NUTF2: variants seen among roughly 807,000 people sequenced by gnomAD.
NUTF2 encodes the protein nuclear transport factor 2.
NUTF2 carries 3 observed loss-of-function variants against 18.5 expected under a neutral mutation model. The observed-to-expected ratio is 0.16, with a 90% CI of 0.07 to 0.42. The LOEUF (loss-of-function observed/expected upper bound fraction) is 0.42, where lower values mean the gene tolerates loss of function less well. Among genes scored for constraint, NUTF2 ranks in the 10% least tolerant of loss-of-function variants. The probability of loss-of-function intolerance (pLI) is 0.99; values close to 1 mark genes in which losing one functional copy is unlikely to be tolerated. For synonymous variants in NUTF2, 51 were observed against 57.9 expected (o/e 0.88, Z 0.54); for missense variants, 44 against 160.7 (o/e 0.27, Z 3.93).
At chr16:67,865,397 C>A (rs991267862) in intron 2 of NUTF2, among the ~76,000 whole-genome samples, 168 bp downstream of exon 2, 1 of 152,168 alleles carries the variant, frequency 6.6e-6, no homozygotes, top group African/African-American at 2.4e-5. Flanking sequence ...AAGTAATTAC[C>A]TGGTCTATAC....
At chr16:67,847,364 T>C (rs1262910749) in intron 1 of NUTF2, 1 of 152,424 alleles carries the variant, frequency 6.6e-6, no homozygotes, top group Non-Finnish European at 1.5e-5. Flanking sequence ...GCAGGCTGGC[T>C]AGCGGGCAGA....
intron 1 of NUTF2, among the ~76,000 whole-genome samples, chr16:67,849,942 G>A (rs972712941): frequency 2.6e-5 from 4 of 152,072 alleles, no homozygotes; most frequent in Non-Finnish European, 5.9e-5. Flanking sequence ...CCAGGCGTGA[G>A]CCACCACGTC....
chr16:67,856,538 TGCTCTCGTTGCCCAG>T (rs2057899335), intron 1 of NUTF2, among the ~76,000 whole-genome samples: 1 of 150,940 alleles, frequency 6.6e-6, no homozygotes, highest in African/African-American at 2.4e-5. Flanking sequence ...GTCGGAGTTT[TGCTCTCGTTGCCCAG>T]GCTGGAGTGC....
intron 3 of NUTF2, 37 bp from the exon 4 acceptor site, chr16:67,868,464 G>T: frequency 6.2e-7 from 1 of 1,613,786 alleles, no homozygotes; most frequent in Non-Finnish European, 8.5e-7. Flanking sequence ...ACCCCTTCTG[G>T]CCTTGGTTCT....
intron 1 of NUTF2, chr16:67,847,301 TA>T (rs1271644302): frequency 6.6e-6 from 1 of 152,220 alleles, no homozygotes; most frequent in Non-Finnish European, 1.5e-5. Context: ...GATGGGGCCT[TA>T]GGGCCCCGCC....
At chr16:67,853,678 A>G (rs778011152) in intron 1 of NUTF2, among the ~76,000 whole-genome samples, 8 of 151,722 alleles carry the variant, frequency 5.3e-5, no homozygotes, top group South Asian at 2.1e-4. Flanking sequence ...TTTATATTCT[A>G]TTTTTTAGTT....
intron 4 of NUTF2, chr16:67,870,358 G>A (rs1339667902): frequency 6.2e-6 from 1 of 162,316 alleles, no homozygotes; most frequent in African/African-American, 2.4e-5. Context: ...CTCAAATACT[G>A]TTTATTACAT....
Position 67,872,413 on chromosome 16 carries a change from G to A in NUTF2, c.*1500G>A, listed in dbSNP as rs1161295233. The stretch of plus-strand genomic sequence containing the variant: ...AGGACAGCATGCTCAGGAGATTTCA[G>A]TGGGAATGATCTCTAGGCTGATGTG... On this transcript the variant is annotated 3_prime_UTR_variant, in exon 5 of 5. Transcript: ENST00000219169. The A allele has an allele frequency of 2.6e-5, 4 of 152,378 alleles. No individual in the cohort carries two copies. Among genetic ancestry groups the A allele is most frequent in the Non-Finnish European group, 5.9e-5 (4 of 68,056 alleles). The allele number at this position is 152,378 out of a possible 1,614,324, so 9.4% of individuals were successfully genotyped here.
At chr16:67,868,631 T>G (rs1598170309) in intron 4 of NUTF2, 32 bp downstream of exon 4, 2 of 1,594,112 alleles carry the variant, frequency 1.3e-6, no homozygotes, top group Non-Finnish European at 1.7e-6. Flanking sequence ...TAGGGAGGGG[T>G]GGGCAGGCAG....
intron 1 of NUTF2, 47 bp from the exon 2 acceptor site, chr16:67,865,055 A>C (rs1380882883): frequency 2.1e-6 from 2 of 952,744 alleles, no homozygotes; most frequent in Non-Finnish European, 3.3e-6. Context: ...CTGGTCACCT[A>C]CTCTCATGGT....
chr16:67,861,119 G>A (rs2057932617), intron 1 of NUTF2, among the ~76,000 whole-genome samples: 2 of 152,184 alleles, frequency 1.3e-5, no homozygotes, highest in Non-Finnish European at 2.9e-5. Flanking sequence ...CCTGACTCTG[G>A]AGAGGCCTCC....
chr16:67,870,273 TAGGCTC>T (rs2058002499), intron 4 of NUTF2: 1 of 153,722 alleles, frequency 6.5e-6, no homozygotes, highest in South Asian at 2.0e-4. Flanking sequence ...GCTGGTTAGC[TAGGCTC>T]CTATTTCAAC....
chr16:67,857,009 A>G (rs1033635263), intron 1 of NUTF2, among the ~76,000 whole-genome samples: 2 of 152,204 alleles, frequency 1.3e-5, no homozygotes, highest in African/African-American at 4.8e-5. Flanking sequence ...TGTTCCCTCC[A>G]CCACTCTGTG....
chr16:67,847,911 T>TG (rs1458785642), intron 1 of NUTF2: 1 of 152,120 alleles, frequency 6.6e-6, no homozygotes, highest in Admixed American at 6.5e-5. Flanking sequence ...GAAGGGGCTT[T>TG]GGGGGGTGGG....
At chr16:67,866,059 A>C (rs2057969055) in intron 2 of NUTF2, among the ~76,000 whole-genome samples, 2 of 152,080 alleles carry the variant, frequency 1.3e-5, no homozygotes, top group African/African-American at 4.8e-5. Flanking sequence ...CCAAGAACTA[A>C]TTGTACTTGA....
At chr16:67,850,508 T>C (rs111402573) in intron 1 of NUTF2, among the ~76,000 whole-genome samples, 2,327 of 152,058 alleles carry the variant, frequency 0.015, 17 homozygotes, top group Non-Finnish European at 0.024. Flanking sequence ...GCCTGGCCGT[T>C]CCCTGTAACC....
intron 1 of NUTF2, among the ~76,000 whole-genome samples, chr16:67,859,313 G>A (rs1014220081): frequency 1.3e-5 from 2 of 150,456 alleles, no homozygotes; most frequent in Middle Eastern, 3.5e-3. Context: ...CCAAGTAGCC[G>A]GGATTACAGG....
rs149384852 is a variant in NUTF2, at chr16:67,849,303, G to C, written c.-30+2318G>C. On this transcript the variant is annotated intron_variant, in intron 1 of 4. Coordinates refer to ENST00000219169, the MANE Select transcript of NUTF2 (RefSeq NM_005796.3). ...TGAGCTGGCTTACGGCTATGGCGTA[G>C]TTTGCGTATTTCATGGCCCTGGGTG... Among the ~76,000 whole-genome samples the C allele has an allele frequency of 5.6e-3, 846 of 152,342 alleles. 7 individuals carry two copies. Among genetic ancestry groups the C allele is most frequent in the African/African-American group, 0.02 (828 of 41,590 alleles).
At chr16:67,847,112 C>A (rs894006825) in intron 1 of NUTF2, 127 bp downstream of exon 1, 1 of 150,978 alleles carries the variant, frequency 6.6e-6, no homozygotes. Flanking sequence ...CGGCCCGAAG[C>A]CGCGCGGGGC....
Sources: allele counts gnomAD v4.1 joint callset (sites outside exome capture counted in the v4.1 genomes callset), GRCh38; gene constraint gnomAD v4.1.1; transcripts MANE v1.5; gene names NCBI Gene and HGNC (gene_info 2026-07-23, HGNC 2026-07-21).